KEL: variants seen among roughly 807,000 people sequenced by gnomAD.
The protein encoded by KEL is kell blood group glycoprotein.
A neutral mutation model predicts 99.5 loss-of-function variants in KEL; 96 were observed. The observed-to-expected ratio is 0.97, with a 90% CI of 0.82 to 1.14. The LOEUF is 1.14. KEL is among the 50% of genes most tolerant of loss of function. KEL has a pLI of 0.00. For synonymous variants in KEL, 355 were observed against 354.8 expected, an observed-to-expected ratio of 1.00 and a Z score of -0.01; for missense variants, 926 against 924.2, an observed-to-expected ratio of 1.00 and a Z score of -0.03.
chr7:142,945,855 T>C (rs1178506842), intron 11 of KEL, among the ~76,000 whole-genome samples: 1 of 152,174 alleles, frequency 6.6e-6, no homozygotes, highest in Non-Finnish European at 1.5e-5. Flanking sequence ...CTTGAACTCC[T>C]GACCTCAGGT....
intron 5 of KEL, 110 bp downstream of exon 5, chr7:142,958,194 G>A (rs1471524383): frequency 3.7e-5 from 56 of 1,502,356 alleles, no homozygotes; most frequent in Middle Eastern, 2.3e-4. Context: ...TAGAAATTGG[G>A]GGGCCCTAGG....
At chr7:142,955,163 T>C (rs892019726) in intron 6 of KEL, among the ~76,000 whole-genome samples, 2 of 152,184 alleles carry the variant, frequency 1.3e-5, no homozygotes, top group Non-Finnish European at 2.9e-5. Context: ...TTTGCTCAAA[T>C]AAACTCTTTT....
Position 142,942,918 on chromosome 7 carries a change from AAG to A in KEL, c.1896_1897del (p.Leu633ArgfsTer50). 1 of 1,614,148 alleles carries A rather than the reference AAG, an allele frequency of 6.2e-7. No individual in the cohort carries two copies. The highest frequency in any genetic ancestry group is 1.3e-5 in the African/African-American group (1 of 75,028). ...CCCCCCAACGTCTGCAGCATTCTCT[AAG>A]AATGTGAGGGAGTCATTGAAGGAGG... is the stretch of plus-strand genomic sequence containing the variant. On this transcript the variant is annotated frameshift_variant, in exon 17 of 19. Transcript: ENST00000355265. LOFTEE classifies it high-confidence loss of function.
chr7:142,952,444 T>C (rs1796709294), intron 10 of KEL, 65 bp downstream of exon 10: 1 of 1,597,500 alleles, frequency 6.3e-7, no homozygotes, highest in South Asian at 1.1e-5. Flanking sequence ...TGCCGACATT[T>C]ACCCCTCAAA....
rs751024420 is a variant in KEL at position 142,958,344 on chromosome 7, T to G, written c.485A>C (p.Glu162Ala). 6.2e-7 allele frequency: 1 copy of G among 1,614,160 alleles called. No individual in the cohort carries two copies. Among genetic ancestry groups the G allele is most frequent in the East Asian group, 2.2e-5 (1 of 44,880 alleles). ...TCTGAGGGGACCAGTCCCTGCAGCT[T>G]CAATGGCAAGTGTATCCATGCAGGA... ...YNSCMDTLAIEAAGTGPLRQV... is the reference protein window; with the variant it reads ...YNSCMDTLAIAAAGTGPLRQV... Residue 162 changes from glutamate (E) to alanine (A), a missense_variant, in exon 5 of 19, where the codon GAA (glutamate) becomes GCA (alanine). Transcript: ENST00000355265.
At position 142,943,304 on chromosome 7, in the gene KEL, G is replaced by T; in HGVS notation, c.1743C>A (p.His581Gln). ...NFGAAGSIMA[H>Q]ELLHIFYQLL... ...GCTGGTAGAAGATGTGCAACAGCTC[G>T]TGGGCCATGATGCTGCCAGCAGCGC... The change falls in exon 16 of 19, where the codon CAC becomes CAA. Residue 581 changes from histidine to glutamine, a missense_variant. Physicochemically the swap from His to Gln is conservative, Grantham distance 24 (BLOSUM62 0). Coordinates refer to ENST00000355265, the MANE Select transcript of KEL (RefSeq NM_000420.3). 6.2e-7 allele frequency: 1 copy of T among 1,614,072 alleles called. No homozygotes were observed. The highest frequency in any genetic ancestry group is 8.5e-7 in the Non-Finnish European group (1 of 1,179,968).
At chr7:142,946,571 G>A in intron 10 of KEL, 1 of 558,192 alleles carries the variant, frequency 1.8e-6, no homozygotes, top group Non-Finnish European at 3.2e-6. Flanking sequence ...TGACAGCAAG[G>A]CCTCTAGGAG....
At chr7:142,950,676 T>C (rs561349762) in intron 10 of KEL, among the ~76,000 whole-genome samples, 20 of 152,378 alleles carry the variant, frequency 1.3e-4, no homozygotes, top group Non-Finnish European at 2.2e-4. Flanking sequence ...TAGTGTACAG[T>C]TGTTTTTGCA....
chr7:142,962,351 G>T lies in KEL; in HGVS notation c.-145C>A. 1.1e-6 allele frequency: 1 copy of T among 901,082 alleles called. No individual in the cohort carries two copies. The highest frequency in any genetic ancestry group is 1.4e-5 in the South Asian group (1 of 73,948). 55.8% of individuals were successfully genotyped at this position (901,082 alleles called of 1,614,324 possible). The stretch of plus-strand genomic sequence containing the variant: ...CTGCTGCTCTTTCGCCTTGTCCCCA[G>T]ACACACAGGACTGGCCTCTGGGTGG... On this transcript the variant is annotated 5_prime_UTR_variant, in exon 1 of 19. The change creates a new upstream start codon in the 5' untranslated region. Transcript: ENST00000355265.
At chr7:142,954,070 A>G (rs1338586906) in intron 8 of KEL, 114 bp from the exon 9 acceptor site, 2 of 1,404,842 alleles carry the variant, frequency 1.4e-6, no homozygotes, top group Non-Finnish European at 2.0e-6. Context: ...GAGGGGATGG[A>G]GTCAGAGACA....
chr7:142,952,520 G>A lies in KEL; in HGVS notation c.1192C>T (p.Gln398Ter), dbSNP rs1193571106. Residue 398 changes from glutamine (Q) to a stop codon, truncating the protein, a stop_gained, in exon 10 of 19, where the codon CAA (glutamine) becomes TAA (stop). Transcript: ENST00000355265. LOFTEE classifies it high-confidence loss of function. The part of the protein sequence containing the change: ...LSQKLRELTE[Q>*]PPMPARPRWM... ...GCTCCTCTCCTCACCATGGGTGGTT[G>A]CTCTGTCAGTTCCCGCAGTTTCTGG... 1 of 1,613,930 alleles carries A rather than the reference G, an allele frequency of 6.2e-7. No homozygotes were observed. The highest frequency in any genetic ancestry group is 8.5e-7 in the Non-Finnish European group (1 of 1,180,022).
chr7:142,944,368 T>A lies in KEL; in HGVS notation c.1446A>T (p.Ser482=). The change falls in exon 13 of 19, where the codon TCA becomes TCT. Residue 482 remains serine, a synonymous_variant. Coordinates refer to ENST00000355265, the MANE Select transcript of KEL (RefSeq NM_000420.3). ...CCAGCTCTGGCTTCAGGGCCCATTC[T>A]GAAGCCCCCATCTCCACCTGCAGTT... ...VAQLQVEMGA[S]EWALKPELAR... 1 of 1,614,148 alleles carries A rather than the reference T, an allele frequency of 6.2e-7. No individual in the cohort carries two copies. Among genetic ancestry groups the A allele is most frequent in the Non-Finnish European group, 8.5e-7 (1 of 1,179,972 alleles).
intron 9 of KEL, chr7:142,953,259 G>C: frequency 1.4e-6 from 1 of 729,672 alleles, no homozygotes; most frequent in Non-Finnish European, 1.7e-6. Flanking sequence ...ACACCCCCTT[G>C]ATTTCCTGAC....
chr7:142,942,209 C>A, intron 18 of KEL: 2 of 580,890 alleles, frequency 3.4e-6, no homozygotes, highest in Non-Finnish European at 3.1e-6. Context: ...GTTTTTTCTA[C>A]CTTTTGAGTT....
Position 142,943,349 on chromosome 7 carries a change from G to T in KEL, c.1704-6C>A, listed in dbSNP as rs1796419995. ...CAGCGCCAAAGTTCACGGCTCTAGG[G>T]AGACAAGGGCTTATTTGACCCCCAG... On this transcript the variant is annotated splice_polypyrimidine_tract_variant and splice_region_variant and intron_variant, in intron 15 of 18. Transcript: ENST00000355265. The T allele has an allele frequency of 2.5e-6, 4 of 1,613,988 alleles. No homozygotes were observed. The highest frequency in any genetic ancestry group is 3.4e-6 in the Non-Finnish European group (4 of 1,179,990).
At chr7:142,952,362 C>T (rs1225546832) in intron 10 of KEL, 147 bp downstream of exon 10, 4 of 1,030,088 alleles carry the variant, frequency 3.9e-6, no homozygotes, top group African/African-American at 3.1e-5. Context: ...GTCTGTCCAA[C>T]TTGCCTGCTT....
rs377750075 is a variant in KEL, at chr7:142,961,917, G to A, written c.4-45C>T. The A allele has an allele frequency of 3.6e-4, 575 of 1,607,024 alleles. 7 individuals are homozygous for A. In the South Asian group the frequency reaches 5.8e-3, roughly 16 times the overall value. On this transcript the variant is annotated intron_variant, in intron 1 of 18. Coordinates refer to ENST00000355265, the MANE Select transcript of KEL (RefSeq NM_000420.3). ...AAGGAGGAGAGAGAAGCTGGTTCAG[G>A]AAATGGTGCATTGAAGAGAGTTTTA...
In KEL at chr7:142,955,279, CT is replaced by C. The variant is rs560126691; in HGVS notation, c.673-753del. 1.2e-4 allele frequency among the ~76,000 whole-genome samples: 18 copies of C among 152,128 alleles called. No individual in the cohort carries two copies. In the South Asian group the frequency reaches 1.2e-3, roughly 11 times the overall value. ...ATCTCAAAACTTTGCTTATCATGGA[CT>C]TTTTTTCCCCAAAAAAACATACTTT... On this transcript the variant is annotated intron_variant, in intron 6 of 18. Coordinates refer to ENST00000355265, the MANE Select transcript of KEL (RefSeq NM_000420.3).
rs1796521665 is a variant in KEL at position 142,946,215 on chromosome 7, G to C, written c.1306C>G (p.Arg436Gly). ...FVREAFGPST[R>G]SAAMKLFTAI... ...GAAGAGCTCTCACATACAGCACTTC[G>C]GGTGCTCGGGCCAAAGGCCTCACGA... Residue 436 changes from arginine to glycine, a missense_variant, in exon 11 of 19, where the codon CGA becomes GGA. Arg to Gly is a moderately radical substitution (Grantham distance 125). Coordinates refer to ENST00000355265, the MANE Select transcript of KEL (RefSeq NM_000420.3). 3 of 1,612,156 alleles carry C rather than the reference G, an allele frequency of 1.9e-6. No individual in the cohort carries two copies. Among genetic ancestry groups the C allele is most frequent in the Non-Finnish European group, 2.5e-6 (3 of 1,178,316 alleles).
Sources: allele counts gnomAD v4.1 joint callset (sites outside exome capture counted in the v4.1 genomes callset), GRCh38; gene constraint gnomAD v4.1.1; transcripts MANE v1.5; gene names NCBI Gene and HGNC (gene_info 2026-07-23, HGNC 2026-07-21).